Variants in SLC35F1 observed in about 807,000 individuals in gnomAD.
SLC35F1 encodes the protein chromosome 6 open reading frame 169.
A neutral mutation model predicts 48.7 loss-of-function variants in SLC35F1; 14 were observed. That is an observed-to-expected ratio of 0.29 (90% CI 0.19 to 0.45). The LOEUF (loss-of-function observed/expected upper bound fraction) is 0.45. Ranked by LOEUF, SLC35F1 falls within the 20% of genes least tolerant of loss-of-function variation. The pLI is 1.00. For synonymous variants in SLC35F1, 190 were observed against 202.2 expected, an observed-to-expected ratio of 0.94 and a Z score of 0.51; for missense variants, 404 against 500.0, an observed-to-expected ratio of 0.81 and a Z score of 1.83.
At chr6:118,299,214 T>C (rs1582777274) in intron 7 of SLC35F1, among the ~76,000 whole-genome samples, 2 of 152,174 alleles carry the variant, frequency 1.3e-5, no homozygotes, top group African/African-American at 4.8e-5. Flanking sequence ...TTTATTGGCA[T>C]AGTCGCATGC....
At position 118,006,636 on chromosome 6, in the gene SLC35F1, AAAAT is replaced by A. The variant is rs555676778; in HGVS notation, c.173+98749_173+98752del. ...TCTGTCTCTAAAAATAACTAAATTA[AAAAT>A]AAATAAATAAAGTGTGTGATTCCAG... is the stretch of plus-strand genomic sequence containing the variant. On this transcript the variant is annotated intron_variant, in intron 1 of 7. Transcript: ENST00000360388. 5.3e-5 allele frequency among the ~76,000 whole-genome samples: 8 copies of A among 152,266 alleles called. No individual in the cohort carries two copies. The South Asian group carries it at 1.7e-3, about 32-fold the overall frequency.
chr6:117,920,410 G>C (rs1775883325), intron 1 of SLC35F1, among the ~76,000 whole-genome samples: 1 of 152,218 alleles, frequency 6.6e-6, no homozygotes, highest in African/African-American at 2.4e-5. Context: ...CTCGGCGAAT[G>C]GCCTTCAAGC....
chr6:118,203,207 G>A (rs1774892844), intron 2 of SLC35F1, among the ~76,000 whole-genome samples: 1 of 152,180 alleles, frequency 6.6e-6, no homozygotes, highest in African/African-American at 2.4e-5. Context: ...CCCTATTCAT[G>A]AAGGAGCCAA....
At chr6:117,977,541 AT>A (rs1203546411) in intron 1 of SLC35F1, among the ~76,000 whole-genome samples, 4 of 151,182 alleles carry the variant, frequency 2.6e-5, no homozygotes, top group Admixed American at 6.6e-5. Flanking sequence ...TTCATTGTCC[AT>A]TTTTTTTCCT....
intron 1 of SLC35F1, chr6:117,999,009 A>G: frequency 6.6e-6 from 9 of 1,370,158 alleles, no homozygotes; most frequent in South Asian, 3.5e-5. Context: ...ACACACAACC[A>G]GTCCCGAAAA....
At chr6:118,174,025 C>G (rs1356604796) in intron 2 of SLC35F1, among the ~76,000 whole-genome samples, 2 of 152,116 alleles carry the variant, frequency 1.3e-5, no homozygotes, top group Non-Finnish European at 2.9e-5. Context: ...ACTAAAGTTG[C>G]AAGAAAGACC....
At chr6:118,307,296 G>T (rs1259211539) in intron 7 of SLC35F1, among the ~76,000 whole-genome samples, 1 of 152,150 alleles carries the variant, frequency 6.6e-6, no homozygotes, top group East Asian at 1.9e-4. Flanking sequence ...AGGGGTTTGT[G>T]GGGGTCATTA....
At chr6:118,009,586 A>G (rs979519780) in intron 1 of SLC35F1, among the ~76,000 whole-genome samples, 5 of 152,182 alleles carry the variant, frequency 3.3e-5, no homozygotes, top group Non-Finnish European at 7.3e-5. Flanking sequence ...GCCCAGGGTC[A>G]CAGAGCTAAT....
At chr6:117,975,279 T>C (rs1187280338) in intron 1 of SLC35F1, among the ~76,000 whole-genome samples, 4 of 152,206 alleles carry the variant, frequency 2.6e-5, no homozygotes, top group African/African-American at 9.7e-5. Flanking sequence ...AAAAGTTTGT[T>C]GAAGTTATTT....
intron 1 of SLC35F1, among the ~76,000 whole-genome samples, chr6:118,110,905 T>C (rs1292317714): frequency 6.6e-6 from 1 of 152,062 alleles, no homozygotes; most frequent in African/African-American, 2.4e-5. Context: ...GAAGTTGGCT[T>C]TTTCCCTTCC....
intron 1 of SLC35F1, among the ~76,000 whole-genome samples, chr6:117,955,411 A>C (rs1776416155): frequency 6.6e-6 from 1 of 152,224 alleles, no homozygotes; most frequent in Non-Finnish European, 1.5e-5. Context: ...CCTGTTTGGA[A>C]TCAAGACTGT....
intron 1 of SLC35F1, among the ~76,000 whole-genome samples, chr6:117,945,587 TC>T: frequency 6.6e-6 from 1 of 152,330 alleles, no homozygotes; most frequent in South Asian, 2.1e-4. Context: ...TTTAAAATGA[TC>T]ACTGCTTAAA....
chr6:118,236,967 T>G (rs892759887), intron 3 of SLC35F1, among the ~76,000 whole-genome samples: 4 of 152,208 alleles, frequency 2.6e-5, no homozygotes, highest in Admixed American at 2.6e-4. Flanking sequence ...TTTAGAGCCC[T>G]GCTCTCCCTA....
At chr6:117,965,660 C>T (rs958653060) in intron 1 of SLC35F1, among the ~76,000 whole-genome samples, 1 of 152,174 alleles carries the variant, frequency 6.6e-6, no homozygotes, top group African/African-American at 2.4e-5. Flanking sequence ...TATGTGTTTG[C>T]TCTGGCTGAC....
At chr6:117,914,610 G>A (rs1478498398) in intron 1 of SLC35F1, among the ~76,000 whole-genome samples, 1 of 152,126 alleles carries the variant, frequency 6.6e-6, no homozygotes, top group African/African-American at 2.4e-5. Context: ...TATGGCCTCT[G>A]GGTGCCATTG....
intron 1 of SLC35F1, among the ~76,000 whole-genome samples, chr6:117,944,738 A>G (rs1473904218): frequency 6.6e-6 from 1 of 152,194 alleles, no homozygotes; most frequent in Non-Finnish European, 1.5e-5. Context: ...CATATAAACA[A>G]GAGAAATTTA....
intron 1 of SLC35F1, among the ~76,000 whole-genome samples, chr6:118,133,104 A>G (rs958012207): frequency 6.6e-6 from 1 of 152,182 alleles, no homozygotes; most frequent in African/African-American, 2.4e-5. Context: ...TTCAAGAGTT[A>G]TATGGTGTAT....
At chr6:118,037,076 A>G (rs1772144686) in intron 1 of SLC35F1, among the ~76,000 whole-genome samples, 1 of 152,202 alleles carries the variant, frequency 6.6e-6, no homozygotes, top group Admixed American at 6.5e-5. Flanking sequence ...CTGGTAATAC[A>G]TGTTGTCTTG....
intron 7 of SLC35F1, among the ~76,000 whole-genome samples, chr6:118,288,010 G>GTT (rs752463150): frequency 1.3e-5 from 1 of 75,062 alleles, no homozygotes; most frequent in African/African-American, 6.1e-5. Flanking sequence ...CAATGATTTG[G>GTT]GTTTTTTTTT....
Sources: gnomAD v4.1 joint callset for allele counts (sites outside exome capture counted in the v4.1 genomes callset) on GRCh38, gnomAD v4.1.1 for gene constraint, MANE v1.5 for transcripts, NCBI Gene and HGNC (gene_info 2026-07-23, HGNC 2026-07-21) for gene names.